Variants in KIAA0586 observed in about 807,000 individuals in gnomAD.
The protein encoded by KIAA0586 is KIAA0586, also known as protein TALPID3.
A neutral mutation model predicts 169.8 loss-of-function variants in KIAA0586; 144 were observed. The observed-to-expected ratio is 0.85, with a 90% CI of 0.74 to 0.97. The LOEUF is 0.97. Ranked by LOEUF, KIAA0586 falls within the 50% of genes least tolerant of loss-of-function variation. The probability of loss-of-function intolerance (pLI) is 0.00; values close to 1 mark genes in which losing one functional copy is unlikely to be tolerated. For missense variants in KIAA0586, 1,854 were observed against 1,823.0 expected, an observed-to-expected ratio of 1.02 and a Z score of -0.31; for synonymous variants, 625 against 612.4, an observed-to-expected ratio of 1.02 and a Z score of -0.30.
chr14:58,554,410 C>T (rs1029372527), downstream of KIAA0586, among the ~76,000 whole-genome samples: 1 of 152,098 alleles, frequency 6.6e-6, no homozygotes, highest in African/African-American at 2.4e-5. Flanking sequence ...TTGAGTGATG[C>T]CTCCTTTGGA....
At chr14:58,463,072 C>T (rs1329347375) in intron 14 of KIAA0586, among the ~76,000 whole-genome samples, 2 of 152,126 alleles carry the variant, frequency 1.3e-5, no homozygotes, top group Non-Finnish European at 2.9e-5. Context: ...TATCCTAGGG[C>T]CTCAGTACCT....
chr14:58,475,829 G>C (rs947464990), intron 19 of KIAA0586, among the ~76,000 whole-genome samples: 4 of 152,186 alleles, frequency 2.6e-5, no homozygotes, highest in Admixed American at 1.3e-4. Context: ...AGCTAGCACA[G>C]TGGCTCATGC....
rs543515527 is a variant in KIAA0586 at position 58,549,995 on chromosome 14, G to A, written c.*2063G>A. On this transcript the variant is annotated 3_prime_UTR_variant, in exon 31 of 31. Coordinates refer to ENST00000652326, the MANE Select transcript of KIAA0586 (RefSeq NM_001329943.3). ...TTTTAAAAAAAATTAGTGTCCATTC[G>A]ACGGTTTCTTTTTTTTTTTTTTGAG... 2.0e-5 allele frequency: 3 copies of A among 151,436 alleles called. No homozygotes were observed. The highest frequency in any genetic ancestry group is 4.4e-5 in the Non-Finnish European group (3 of 67,938). The allele number at this position is 151,436 out of a possible 1,614,324, so 9.4% of individuals were successfully genotyped here. A position where few individuals can be genotyped will look rare whatever the true frequency, so the allele number is the denominator to read the frequency against.
rs1393654271 is a variant in KIAA0586 at position 58,548,518 on chromosome 14, T to C, written c.*586T>C. On this transcript the variant is annotated 3_prime_UTR_variant, in exon 31 of 31. Transcript: ENST00000652326. The stretch of plus-strand genomic sequence containing the variant: ...GGGAGGAATTCAAATGTATGGTATG[T>C]CACATATTCTTACATGTATTTGCTT... 1 of 152,206 alleles carries C rather than the reference T, an allele frequency of 6.6e-6. No homozygotes were observed. Among genetic ancestry groups the C allele is most frequent in the Non-Finnish European group, 1.5e-5 (1 of 68,052 alleles). The allele number at this position is 152,206 out of a possible 1,614,324, so 9.4% of individuals were successfully genotyped here.
chr14:58,541,604 C>T (rs1186773041), intron 30 of KIAA0586, among the ~76,000 whole-genome samples: 1 of 152,188 alleles, frequency 6.6e-6, no homozygotes, highest in African/African-American at 2.4e-5. Context: ...TCCTACCATT[C>T]GTTACATAAC....
chr14:58,547,718 G>C, intron 30 of KIAA0586, 63 bp from the exon 31 acceptor site: 2 of 1,289,858 alleles, frequency 1.6e-6, no homozygotes, highest in East Asian at 2.4e-5. Context: ...ATTTCGCAAA[G>C]CATAAAGCAC....
At chr14:58,512,740 T>C (rs955852771) in intron 29 of KIAA0586, 113 bp downstream of exon 29, 25 of 609,654 alleles carry the variant, frequency 4.1e-5, no homozygotes, top group Admixed American at 3.9e-5. Flanking sequence ...GTTTTTGTTT[T>C]CTTTTGTTTT....
chr14:58,432,584 C>T lies in KIAA0586; in HGVS notation c.410+127C>T, dbSNP rs575972798. On this transcript the variant is annotated intron_variant, in intron 4 of 30. Transcript: ENST00000652326. ...ATTGTGTGATATGTATAAAGCATTT[C>T]TCATGGTGCTAGACACGTATAAAAT... The T allele has an allele frequency of 1.4e-5, 8 of 556,948 alleles. 1 individual carries two copies. The highest frequency in any genetic ancestry group is 2.0e-5 in the African/African-American group (1 of 50,944). The allele number at this position is 556,948 out of a possible 1,614,324, so 34.5% of individuals were successfully genotyped here.
At chr14:58,561,620 C>T in the KIAA0586 span, among the ~76,000 whole-genome samples, 1 of 152,048 alleles carries the variant, frequency 6.6e-6, no homozygotes, top group Non-Finnish European at 1.5e-5. Flanking sequence ...TAATTATCCA[C>T]CTAGGATGAG....
At chr14:58,491,976 A>G (rs1184336472) in intron 25 of KIAA0586, among the ~76,000 whole-genome samples, 168 bp from the exon 26 acceptor site, 1 of 152,244 alleles carries the variant, frequency 6.6e-6, no homozygotes, top group African/African-American at 2.4e-5. Flanking sequence ...GGCTTTTATT[A>G]TAGACAAATG....
chr14:58,516,396 G>C (rs1012216763), intron 29 of KIAA0586, among the ~76,000 whole-genome samples: 2 of 152,172 alleles, frequency 1.3e-5, no homozygotes, highest in Admixed American at 6.5e-5. Flanking sequence ...ATTTGGCTGG[G>C]GGAAGGGTAA....
chr14:58,552,447 T>G (rs2047219156), downstream of KIAA0586, among the ~76,000 whole-genome samples: 1 of 152,182 alleles, frequency 6.6e-6, no homozygotes, highest in Non-Finnish European at 1.5e-5. Flanking sequence ...GTAAATATTG[T>G]AAAGCTATTT....
At chr14:58,484,890 T>TTA (rs2042278433) in intron 21 of KIAA0586, among the ~76,000 whole-genome samples, 5 of 32,312 alleles carry the variant, frequency 1.5e-4, no homozygotes, top group African/African-American at 6.7e-4. Flanking sequence ...ATATATATAT[T>TTA]TATATATATA....
At chr14:58,544,512 G>C (rs570502902) in intron 30 of KIAA0586, among the ~76,000 whole-genome samples, 1 of 152,166 alleles carries the variant, frequency 6.6e-6, no homozygotes, top group East Asian at 1.9e-4. Flanking sequence ...CCTTTTCTCT[G>C]CAACCTCACC....
In KIAA0586 at chr14:58,540,080, G is replaced by A. The variant is rs1261215318; in HGVS notation, c.4439G>A (p.Gly1480Asp). 6 of 1,549,686 alleles carry A rather than the reference G, an allele frequency of 3.9e-6. No individual in the cohort carries two copies. The highest frequency in any genetic ancestry group is 1.9e-5 in the Admixed American group (1 of 52,528). Residue 1480 changes from glycine to aspartate, a missense_variant, in exon 30 of 31, where the codon GGT becomes GAT. Coordinates refer to ENST00000652326, the MANE Select transcript of KIAA0586 (RefSeq NM_001329943.3). ...ATAAATTTTTATGTAGTTTCACCAG[G>A]TGATATGGATCGGACACAAATTGAG... is the stretch of plus-strand genomic sequence containing the variant. ...IAPSQQQVSP[G>D]DMDRTQIELN...
chr14:58,504,936 AT>A (rs1221672611), intron 27 of KIAA0586, among the ~76,000 whole-genome samples: 1 of 152,184 alleles, frequency 6.6e-6, no homozygotes, highest in Admixed American at 6.5e-5. Flanking sequence ...GTACTCTCAT[AT>A]CCCTGTCACC....
At chr14:58,544,656 A>T (rs2046871171) in intron 30 of KIAA0586, among the ~76,000 whole-genome samples, 1 of 152,170 alleles carries the variant, frequency 6.6e-6, no homozygotes, top group Admixed American at 6.5e-5. Flanking sequence ...TGCTGGCCTC[A>T]TGTATGTGTT....
chr14:58,516,427 C>T (rs552890048), intron 29 of KIAA0586, among the ~76,000 whole-genome samples: 2 of 152,308 alleles, frequency 1.3e-5, no homozygotes, highest in Admixed American at 1.3e-4. Flanking sequence ...AGAATCCACT[C>T]CTGGCGGAGA....
At chr14:58,537,874 C>A (rs2080726372) in intron 29 of KIAA0586, among the ~76,000 whole-genome samples, 1 of 152,262 alleles carries the variant, frequency 6.6e-6, no homozygotes, top group Admixed American at 6.5e-5. Flanking sequence ...GTCTCGATCT[C>A]CTGACCTCCT....
Sources: allele counts gnomAD v4.1 joint callset (sites outside exome capture counted in the v4.1 genomes callset), GRCh38; gene constraint gnomAD v4.1.1; transcripts MANE v1.5; gene names NCBI Gene and HGNC (gene_info 2026-07-23, HGNC 2026-07-21).